XYLT1: variants seen among roughly 807,000 people sequenced by gnomAD.
The protein encoded by XYLT1 is beta-D-xylosyltransferase 1.
A neutral mutation model predicts 91.3 loss-of-function variants in XYLT1; 36 were observed. The ratio of observed to expected loss-of-function variants is 0.39; its 90% confidence interval spans 0.30 to 0.52. XYLT1 has a LOEUF of 0.52. Ranked by LOEUF, XYLT1 falls within the 20% of genes least tolerant of loss-of-function variation. The pLI is 0.68. For synonymous variants in XYLT1, 588 were observed against 532.0 expected, an observed-to-expected ratio of 1.11 and a Z score of -1.45; for missense variants, 1,242 against 1,284.5, an observed-to-expected ratio of 0.97 and a Z score of 0.51.
intron 2 of XYLT1, among the ~76,000 whole-genome samples, chr16:17,334,002 G>A (rs1415653158): frequency 6.6e-6 from 1 of 152,148 alleles, no homozygotes; most frequent in Non-Finnish European, 1.5e-5. Flanking sequence ...CAAAAGGTAT[G>A]GAGAGAACTA....
chr16:17,137,034 C>CTCAGCATATCCT (rs2141512017), intron 8 of XYLT1, among the ~76,000 whole-genome samples: 1 of 152,226 alleles, frequency 6.6e-6, no homozygotes, highest in East Asian at 1.9e-4. Flanking sequence ...CCTCTTTCGG[C>CTCAGCATATCCT]TCAGCATATC....
intron 2 of XYLT1, among the ~76,000 whole-genome samples, chr16:17,352,908 T>C (rs2035241344): frequency 6.6e-6 from 1 of 152,212 alleles, no homozygotes; most frequent in African/African-American, 2.4e-5. Flanking sequence ...CATGGCCCAA[T>C]AGTGATTTAC....
intron 5 of XYLT1, among the ~76,000 whole-genome samples, chr16:17,159,497 G>A (rs532687672): frequency 3.3e-5 from 5 of 152,252 alleles, no homozygotes; most frequent in African/African-American, 1.2e-4. Context: ...TAAGTTCCAC[G>A]AGGACAGAGC....
At chr16:17,357,926 C>T (rs918656192) in intron 2 of XYLT1, 86 bp downstream of exon 2, 1 of 1,488,730 alleles carries the variant, frequency 6.7e-7, no homozygotes, top group African/African-American at 1.4e-5. Context: ...TGGGCCTGTC[C>T]AGCCTTTCAG....
At position 17,259,041 on chromosome 16, in the gene XYLT1, T is replaced by C. The variant is rs767938381; in HGVS notation, c.860A>G (p.His287Arg). 1 of 1,515,796 alleles carries C rather than the reference T, an allele frequency of 6.6e-7. No homozygotes were observed. Among genetic ancestry groups the C allele is most frequent in the East Asian group, 2.3e-5 (1 of 43,890 alleles). The allele number at this position is 1,515,796 out of a possible 1,614,324, so 93.9% of individuals were successfully genotyped here. A position where few individuals can be genotyped will look rare whatever the true frequency, so the allele number is the denominator to read the frequency against. Residue 287 changes from histidine (H) to arginine (R), a missense_variant, in exon 3 of 12, where the codon CAC becomes CGC. Coordinates refer to ENST00000261381, the MANE Select transcript of XYLT1 (RefSeq NM_022166.4). ...CTCAGGCATCAGCAGCCCTAACTTG[T>C]GGCGGCAGTAAGTCTCCCCAATCTC... ...RQEIGETYCR[H>R]KLGLLMPEKV... is the part of the protein sequence containing the mutation.
At chr16:17,417,406 A>G (rs897828175) in intron 1 of XYLT1, among the ~76,000 whole-genome samples, 4 of 151,912 alleles carry the variant, frequency 2.6e-5, no homozygotes, top group African/African-American at 7.3e-5. Context: ...CTGCCCCAGG[A>G]CCTTGGCACA....
intron 1 of XYLT1, among the ~76,000 whole-genome samples, chr16:17,368,720 G>A (rs555162718): frequency 6.6e-6 from 1 of 152,050 alleles, no homozygotes; most frequent in African/African-American, 2.4e-5. Context: ...AAGTAGCTGG[G>A]ACTACAGGCC....
At chr16:17,217,379 A>AC (rs1171455918) in intron 3 of XYLT1, among the ~76,000 whole-genome samples, 5 of 151,986 alleles carry the variant, frequency 3.3e-5, no homozygotes, top group South Asian at 4.1e-4. Flanking sequence ...GTAAAAAAAA[A>AC]CCCAGATATT....
chr16:17,121,984 A>G (rs12929926), intron 10 of XYLT1, among the ~76,000 whole-genome samples: 98,947 of 151,526 alleles, frequency 0.65, 33,123 homozygotes, highest in Non-Finnish European at 0.71. Flanking sequence ...ATATGCGCAC[A>G]CACACACACA....
rs1181815198 is a variant in XYLT1, at chr16:17,470,617, G to C, written c.180C>G (p.Ala60=). The C allele has an allele frequency of 2.7e-6, 3 of 1,122,716 alleles. No individual in the cohort carries two copies. Among genetic ancestry groups the C allele is most frequent in the Non-Finnish European group, 3.3e-6 (3 of 921,890 alleles). 69.5% of individuals were successfully genotyped at this position (1,122,716 alleles called of 1,614,324 possible). Residue 60 remains alanine (A), a synonymous_variant, in exon 1 of 12, where the codon GCC becomes GCG. Transcript: ENST00000261381. ...AVGGGEQPPP[A]PAPRRERRDL... ...CCCGGCGCTCCCGGCGCGGGGCCGG[G>C]GCCGGGGGCGGCTGCTCCCCGCCGC...
At chr16:17,331,061 A>G (rs1256981269) in intron 2 of XYLT1, among the ~76,000 whole-genome samples, 1 of 152,236 alleles carries the variant, frequency 6.6e-6, no homozygotes, top group Non-Finnish European at 1.5e-5. Context: ...CCATGGGCAG[A>G]GCAGGCAGCC....
intron 5 of XYLT1, among the ~76,000 whole-genome samples, chr16:17,180,507 A>G (rs535348499): frequency 6.6e-6 from 1 of 152,250 alleles, no homozygotes; most frequent in African/African-American, 2.4e-5. Flanking sequence ...ATGTTGACTG[A>G]TGAATACAAT....
chr16:17,181,573 G>T (rs2032070750), intron 5 of XYLT1, among the ~76,000 whole-genome samples: 1 of 152,108 alleles, frequency 6.6e-6, no homozygotes, highest in Non-Finnish European at 1.5e-5. Flanking sequence ...AAAGTACCCT[G>T]GGGAGGGCAC....
chr16:17,205,518 G>GA (rs2032626686), intron 3 of XYLT1, among the ~76,000 whole-genome samples: 1 of 152,218 alleles, frequency 6.6e-6, no homozygotes, highest in Admixed American at 6.5e-5. Flanking sequence ...TATAATCACA[G>GA]AATCCACCCC....
At chr16:17,384,157 G>A (rs1308667560) in intron 1 of XYLT1, among the ~76,000 whole-genome samples, 1 of 151,856 alleles carries the variant, frequency 6.6e-6, no homozygotes, top group African/African-American at 2.4e-5. Flanking sequence ...GGCTAATAAT[G>A]TATGTAAAAC....
chr16:17,331,637 T>C (rs2034900538), intron 2 of XYLT1, among the ~76,000 whole-genome samples: 1 of 152,134 alleles, frequency 6.6e-6, no homozygotes, highest in Non-Finnish European at 1.5e-5. Flanking sequence ...GACAGACAGA[T>C]ACACACACAC....
chr16:17,321,062 T>C (rs929537035), intron 2 of XYLT1, among the ~76,000 whole-genome samples: 1 of 152,046 alleles, frequency 6.6e-6, no homozygotes, highest in African/African-American at 2.4e-5. Flanking sequence ...ATCTACAAAG[T>C]GCTCCTCAAC....
intron 2 of XYLT1, among the ~76,000 whole-genome samples, chr16:17,276,451 G>T (rs2033976738): frequency 6.6e-6 from 1 of 152,200 alleles, no homozygotes; most frequent in Admixed American, 6.5e-5. Context: ...GATTTCTGCA[G>T]CCTGGACTGA....
intron 2 of XYLT1, among the ~76,000 whole-genome samples, chr16:17,316,310 G>A (rs187512689): frequency 3.3e-5 from 5 of 152,180 alleles, no homozygotes; most frequent in Non-Finnish European, 7.3e-5. Context: ...AGTGGAGATG[G>A]GGAGAAAAAC....
Sources: allele counts gnomAD v4.1 joint callset (sites outside exome capture counted in the v4.1 genomes callset), GRCh38; gene constraint gnomAD v4.1.1; transcripts MANE v1.5; gene names NCBI Gene and HGNC (gene_info 2026-07-23, HGNC 2026-07-21).